Variants in DLGAP4 observed in about 807,000 individuals in gnomAD.
The protein encoded by DLGAP4 is DLG associated protein 4.
DLGAP4 carries 18 observed loss-of-function variants against 86.9 expected under a neutral mutation model. That is an observed-to-expected ratio of 0.21 (90% confidence interval 0.14 to 0.31). The LOEUF (loss-of-function observed/expected upper bound fraction) is 0.31. Ranked by LOEUF, DLGAP4 falls within the 10% of genes least tolerant of loss-of-function variation. DLGAP4 has a pLI of 1.00. For missense variants in DLGAP4, 1,085 were observed against 1,362.6 expected (o/e 0.80, Z 3.21); for synonymous variants, 548 against 574.3 (o/e 0.95, Z 0.65).
intron 11 of DLGAP4, 108 bp from the exon 12 acceptor site, chr20:36,525,743 C>A: frequency 6.8e-7 from 1 of 1,473,252 alleles, no homozygotes; most frequent in Non-Finnish European, 9.2e-7. Flanking sequence ...CCTCAAGAGC[C>A]CCCGCGGGTG....
At chr20:36,429,279 C>T (rs1275401) in intron 2 of DLGAP4, among the ~76,000 whole-genome samples, 58,873 of 150,134 alleles carry the variant, frequency 0.39, 11,675 homozygotes, top group East Asian at 0.61. Context: ...GGTTTCACTA[C>T]GTTGGCCAGG....
intron 1 of DLGAP4, among the ~76,000 whole-genome samples, chr20:36,344,995 A>G (rs1295650641): frequency 1.3e-5 from 2 of 152,022 alleles, no homozygotes; most frequent in Non-Finnish European, 2.9e-5. Context: ...TGGAGGATGC[A>G]CTCCCAAAGA....
At chr20:36,479,790 A>G (rs2035103916) in intron 7 of DLGAP4, among the ~76,000 whole-genome samples, 1 of 151,964 alleles carries the variant, frequency 6.6e-6, no homozygotes, top group African/African-American at 2.4e-5. Flanking sequence ...GAGGGGCTGG[A>G]TGGTTGGGGG....
chr20:36,364,077 T>C (rs898468107), intron 1 of DLGAP4, among the ~76,000 whole-genome samples: 5 of 150,922 alleles, frequency 3.3e-5, no homozygotes, highest in African/African-American at 1.2e-4. Context: ...TGCAGAATCT[T>C]TTTGTTTTGT....
In DLGAP4 at chr20:36,339,236, T is replaced by C. The variant is rs903321911; in HGVS notation, c.-303-27809T>C. Among the ~76,000 whole-genome samples the C allele has an allele frequency of 8.6e-5, 13 of 151,832 alleles. 1 individual carries two copies. The highest frequency in any genetic ancestry group is 8.5e-4 in the Admixed American group (13 of 15,244). ...CCAAGTAGCTGGGACTGAAGGTGCGTGCCACCATGCCTGGCTAATTTTTGT... is the reference window on the plus strand; with the variant it reads ...CCAAGTAGCTGGGACTGAAGGTGCGCGCCACCATGCCTGGCTAATTTTTGT... On this transcript the variant is annotated intron_variant, in intron 1 of 12. Transcript: ENST00000339266.
chr20:36,500,659 A>G lies in DLGAP4; in HGVS notation c.2512+48A>G. ...TTGGGCAAGGGTAGAAGGTGTTGGC[A>G]GCTGGTTTCAGCTGGTGGCCAGCAG... is the stretch of plus-strand genomic sequence containing the variant. On this transcript the variant is annotated intron_variant, in intron 10 of 12. Transcript: ENST00000339266. This position sits in a 1 kb window ranked among gnomAD's most constrained non-coding sequence, Gnocchi z 4.6. The G allele has an allele frequency of 7.2e-7, 1 of 1,389,182 alleles. No individual in the cohort carries two copies. The highest frequency in any genetic ancestry group is 9.4e-7 in the Non-Finnish European group (1 of 1,066,862). The allele number at this position is 1,389,182 out of a possible 1,614,324, so 86.1% of individuals were successfully genotyped here.
At chr20:36,324,698 T>A (rs2065200264) in intron 1 of DLGAP4, among the ~76,000 whole-genome samples, 1 of 152,196 alleles carries the variant, frequency 6.6e-6, no homozygotes, top group African/African-American at 2.4e-5. Flanking sequence ...TGATCTATCC[T>A]TATGACAGTT....
chr20:36,372,015 T>A (rs1447349372), intron 2 of DLGAP4, among the ~76,000 whole-genome samples: 1 of 152,220 alleles, frequency 6.6e-6, no homozygotes, highest in Non-Finnish European at 1.5e-5. Context: ...CTCAATGGGA[T>A]AAGGCATGGG....
intron 7 of DLGAP4, among the ~76,000 whole-genome samples, chr20:36,494,997 T>G (rs1273543151): frequency 3.3e-4 from 46 of 141,238 alleles, no homozygotes; most frequent in Non-Finnish European, 5.2e-4. Flanking sequence ...TTTTTTTTTT[T>G]TTTTTTTTTT....
chr20:36,390,750 T>C (rs747013205), intron 2 of DLGAP4, among the ~76,000 whole-genome samples: 5 of 152,118 alleles, frequency 3.3e-5, no homozygotes, highest in Non-Finnish European at 7.4e-5. Flanking sequence ...GAATCCTGGA[T>C]ACACACTGAG....
intron 1 of DLGAP4, among the ~76,000 whole-genome samples, chr20:36,313,160 G>C (rs970409711): frequency 1.4e-4 from 21 of 152,256 alleles, no homozygotes; most frequent in Non-Finnish European, 2.8e-4. Flanking sequence ...TGGGGAGGGA[G>C]CCTTTCCTTC....
intron 1 of DLGAP4, among the ~76,000 whole-genome samples, chr20:36,327,661 G>T (rs1329264382): frequency 2.5e-4 from 35 of 142,594 alleles, no homozygotes; most frequent in Non-Finnish European, 1.5e-5. Context: ...GCGGGATCTC[G>T]GCTCACTGCA....
chr20:36,350,303 C>A lies in DLGAP4; in HGVS notation c.-303-16742C>A, dbSNP rs1237649745. 3.3e-5 allele frequency among the ~76,000 whole-genome samples: 5 copies of A among 152,186 alleles called. No individual in the cohort carries two copies. Among genetic ancestry groups the A allele is most frequent in the Admixed American group, 3.3e-4 (5 of 15,280 alleles). On this transcript the variant is annotated intron_variant, in intron 1 of 12. Transcript: ENST00000339266. This position sits in a 1 kb window ranked among gnomAD's most constrained non-coding sequence, Gnocchi z 4.4. ...ATAGGGTAGCGGATGAGTAGCCCAG[C>A]AGCTGTGGGAGGCGGGAGCAAGTGC...
chr20:36,327,225 C>CCTGA (rs1322252708), intron 1 of DLGAP4, among the ~76,000 whole-genome samples: 1 of 152,022 alleles, frequency 6.6e-6, no homozygotes, highest in African/African-American at 2.4e-5. Flanking sequence ...GTCTTGAACT[C>CCTGA]CTGACCTCAA....
chr20:36,324,518 G>T (rs184505802), intron 1 of DLGAP4, among the ~76,000 whole-genome samples: 324 of 152,246 alleles, frequency 2.1e-3, no homozygotes, highest in Middle Eastern at 6.8e-3. Context: ...TGTGAGGTAG[G>T]GGTCAAATTT....
chr20:36,402,286 C>T (rs1365009715), intron 2 of DLGAP4, among the ~76,000 whole-genome samples: 1 of 152,144 alleles, frequency 6.6e-6, no homozygotes, highest in Admixed American at 6.5e-5. Flanking sequence ...TACCACTTAC[C>T]AACTGGGCAA....
chr20:36,499,242 G>T (rs1344966118), intron 8 of DLGAP4: 1 of 1,612,940 alleles, frequency 6.2e-7, no homozygotes, highest in Non-Finnish European at 8.5e-7. Flanking sequence ...GCGTGTGAAG[G>T]AGAGGACTAG....
At chr20:36,458,656 G>A (rs1394214280) in intron 7 of DLGAP4, among the ~76,000 whole-genome samples, 1 of 151,894 alleles carries the variant, frequency 6.6e-6, no homozygotes, top group Non-Finnish European at 1.5e-5. Context: ...CCGAGATTGC[G>A]CCACTGCACT....
intron 7 of DLGAP4, among the ~76,000 whole-genome samples, chr20:36,477,193 C>T (rs888940055): frequency 6.6e-6 from 1 of 150,996 alleles, no homozygotes; most frequent in African/African-American, 2.4e-5. Flanking sequence ...CCTCCTAGGT[C>T]CAAGTGATTC....
Sources: gnomAD v4.1 joint callset for allele counts (sites outside exome capture counted in the v4.1 genomes callset) on GRCh38, gnomAD v4.1.1 for gene constraint, Gnocchi (gnomAD v3.1) non-coding constraint, MANE v1.5 for transcripts, NCBI Gene and HGNC (gene_info 2026-07-23, HGNC 2026-07-21) for gene names.